The following TENM4 variants were observed in gnomAD, a reference collection of about 807,000 sequenced individuals.
The protein encoded by TENM4 is teneurin-4.
Under a neutral mutation model 243.3 loss-of-function variants are expected in TENM4, and 82 were observed. That is an observed-to-expected ratio of 0.34 (90% CI 0.28 to 0.40). TENM4 has a LOEUF of 0.40. Ranked by LOEUF, TENM4 falls within the 10% of genes least tolerant of loss-of-function variation. TENM4 has a pLI of 1.00. For missense variants in TENM4, 3,138 were observed against 3,673.3 expected (o/e 0.85, Z 3.77); for synonymous variants, 1,412 against 1,456.3 (o/e 0.97, Z 0.69).
At chr11:79,168,345 G>C (rs73506685) in intron 3 of TENM4, among the ~76,000 whole-genome samples, 53,431 of 151,994 alleles carry the variant, frequency 0.35, 9,559 homozygotes, top group East Asian at 0.44. Flanking sequence ...CAGGAAAGCA[G>C]AGAGGGTTGT....
At chr11:79,294,568 G>A (rs1054576951) in intron 2 of TENM4, among the ~76,000 whole-genome samples, 4 of 152,118 alleles carry the variant, frequency 2.6e-5, no homozygotes, top group Non-Finnish European at 4.4e-5. Context: ...TAAGTTGGGG[G>A]CCAGGCGCGG....
intron 6 of TENM4, among the ~76,000 whole-genome samples, chr11:78,920,014 C>G (rs891660341): frequency 2.0e-5 from 3 of 152,134 alleles, no homozygotes; most frequent in Non-Finnish European, 4.4e-5. Context: ...ATATGTCCCC[C>G]ACTAATCTGT....
intron 1 of TENM4, among the ~76,000 whole-genome samples, chr11:79,345,958 T>C (rs962414224): frequency 8.5e-5 from 13 of 152,200 alleles, no homozygotes; most frequent in African/African-American, 2.7e-4. Flanking sequence ...CTTATTGAAA[T>C]AGATTCTCAG....
rs1227632871 is a variant in TENM4, at chr11:78,864,357, C to T, written c.1085-1225G>A. 3.5e-5 allele frequency among the ~76,000 whole-genome samples: 5 copies of T among 141,778 alleles called. No individual in the cohort carries two copies. In the East Asian group the frequency reaches 8.4e-4, roughly 24 times the overall value. 93.0% of individuals were successfully genotyped at this position (141,778 alleles called of 152,430 possible). A position where few individuals can be genotyped will look rare whatever the true frequency, so the allele number is the denominator to read the frequency against. ...GCTGAGGCAGGAGAATGAAGTGAAC[C>T]TGGGAGGCGGAGCTTGCAGTGAGCC... is the stretch of plus-strand genomic sequence containing the variant. On this transcript the variant is annotated intron_variant, in intron 9 of 33. Transcript: ENST00000278550.
intron 2 of TENM4, among the ~76,000 whole-genome samples, chr11:79,296,646 G>A (rs1856459515): frequency 6.6e-6 from 1 of 152,228 alleles, no homozygotes; most frequent in Non-Finnish European, 1.5e-5. Flanking sequence ...ACAGTCTGCT[G>A]TTATTAGAAA....
Position 79,172,013 on chromosome 11 carries a change from G to A in TENM4, c.-162-23207C>T, listed in dbSNP as rs557747742. Among the ~76,000 whole-genome samples the A allele has an allele frequency of 2.6e-5, 4 of 152,306 alleles. No homozygotes were observed. The East Asian group carries it at 7.7e-4, about 29-fold the overall frequency. On this transcript the variant is annotated intron_variant, in intron 3 of 33. Coordinates refer to ENST00000278550, the MANE Select transcript of TENM4 (RefSeq NM_001098816.3). ...GTTACTTAGGCTGCAGTGCAGTGATGTGATCATAGCGCATTATAAATTTGA... is the reference window on the plus strand; with the variant it reads ...GTTACTTAGGCTGCAGTGCAGTGATATGATCATAGCGCATTATAAATTTGA...
At chr11:78,930,945 A>C (rs1233145562) in intron 6 of TENM4, among the ~76,000 whole-genome samples, 1 of 152,180 alleles carries the variant, frequency 6.6e-6, no homozygotes, top group Non-Finnish European at 1.5e-5. Flanking sequence ...AAGGGTTCCA[A>C]ATGGTTATGC....
intron 29 of TENM4, among the ~76,000 whole-genome samples, chr11:78,684,700 T>A (rs1323882976): frequency 6.6e-6 from 1 of 152,244 alleles, no homozygotes; most frequent in Non-Finnish European, 1.5e-5. Context: ...TGGGGCAAGC[T>A]ACCTAACCTC....
rs1307703687 is a variant in TENM4, at chr11:79,069,745, T to A, written c.200A>T (p.Glu67Val). The change falls in exon 5 of 34, where the codon GAG (glutamate) becomes GTG (valine). Residue 67 changes from glutamate to valine, a missense_variant. Physicochemically the swap from Glu to Val is moderately radical, Grantham distance 121. Transcript: ENST00000278550. ...GSRVKDIVPQ[E>V]AEEFCRTGAN... The stretch of plus-strand genomic sequence containing the variant: ...ACCTGTGCGGCAGAATTCCTCGGCC[T>A]CCTGCGGCACAATGTCCTTGACGCG... 8 of 1,551,008 alleles carry A rather than the reference T, an allele frequency of 5.2e-6. No homozygotes were observed. The highest frequency in any genetic ancestry group is 6.1e-6 in the Non-Finnish European group (7 of 1,146,888).
intron 12 of TENM4, among the ~76,000 whole-genome samples, chr11:78,820,006 C>G (rs949366): frequency 0.033 from 4,954 of 152,240 alleles, 244 homozygotes; most frequent in African/African-American, 0.11. Context: ...TTGACTGCAG[C>G]TGGTGACATT....
At chr11:78,688,472 G>A (rs1177552898) in intron 28 of TENM4, among the ~76,000 whole-genome samples, 1 of 152,148 alleles carries the variant, frequency 6.6e-6, no homozygotes, top group Non-Finnish European at 1.5e-5. Flanking sequence ...CTAACCCAGT[G>A]GGGATGATAA....
intron 8 of TENM4, among the ~76,000 whole-genome samples, chr11:78,891,029 G>T (rs1855652427): frequency 6.6e-6 from 1 of 152,216 alleles, no homozygotes. Flanking sequence ...GATGCCAAGA[G>T]CTGCATATTA....
At chr11:79,362,675 C>T (rs1373581306) in intron 1 of TENM4, among the ~76,000 whole-genome samples, 1 of 152,170 alleles carries the variant, frequency 6.6e-6, no homozygotes. Flanking sequence ...GATTTAGAAG[C>T]CAGCCAGACC....
intron 6 of TENM4, among the ~76,000 whole-genome samples, chr11:78,942,109 A>T (rs1856909506): frequency 2.3e-5 from 2 of 86,454 alleles, no homozygotes; most frequent in African/African-American, 1.4e-4. Context: ...CTGATGAGCT[A>T]AAAAAAAAAA....
chr11:78,813,197 T>G (rs1388421997), intron 13 of TENM4, among the ~76,000 whole-genome samples: 1 of 152,198 alleles, frequency 6.6e-6, no homozygotes, highest in Non-Finnish European at 1.5e-5. Context: ...TTAGGAAGAA[T>G]AAACAGACTC....
chr11:79,127,392 T>G (rs1861902609), intron 4 of TENM4, among the ~76,000 whole-genome samples: 2 of 149,364 alleles, frequency 1.3e-5, no homozygotes, highest in Admixed American at 1.3e-4. Flanking sequence ...AGTGGATTAT[T>G]GTAAACTTAA....
At chr11:78,792,057 G>A (rs1857066946) in intron 15 of TENM4, among the ~76,000 whole-genome samples, 1 of 152,168 alleles carries the variant, frequency 6.6e-6, no homozygotes, top group South Asian at 2.1e-4. Context: ...CCTAAAATGA[G>A]GAGAGTAATA....
At chr11:79,032,824 G>A (rs567440383) in intron 6 of TENM4, among the ~76,000 whole-genome samples, 8 of 152,284 alleles carry the variant, frequency 5.3e-5, no homozygotes, top group Middle Eastern at 3.4e-3. Flanking sequence ...GAAAAGATGA[G>A]CACCACAAAT....
At chr11:79,034,687 A>T (rs1406678094) in intron 6 of TENM4, among the ~76,000 whole-genome samples, 1 of 152,136 alleles carries the variant, frequency 6.6e-6, no homozygotes, top group East Asian at 1.9e-4. Flanking sequence ...GCTCCATAGA[A>T]AGCTGTCTGT....
Sources: gnomAD v4.1 joint callset for allele counts (sites outside exome capture counted in the v4.1 genomes callset) on GRCh38, gnomAD v4.1.1 for gene constraint, MANE v1.5 for transcripts, NCBI Gene and HGNC (gene_info 2026-07-23, HGNC 2026-07-21) for gene names.